The following KLF12 variants were observed in gnomAD, a reference collection of about 807,000 sequenced individuals.
The protein encoded by KLF12 is Krueppel-like factor 12.
Under a neutral mutation model 37.8 loss-of-function variants are expected in KLF12, and 9 were observed. The observed-to-expected ratio is 0.24, with a 90% CI of 0.14 to 0.42. KLF12 has a LOEUF of 0.42. Ranked by LOEUF, KLF12 falls within the 10% of genes least tolerant of loss-of-function variation. KLF12 has a pLI of 1.00. For synonymous variants in KLF12, 208 were observed against 202.1 expected (o/e 1.03, Z -0.25); for missense variants, 411 against 516.0 (o/e 0.80, Z 1.97).
chr13:74,079,353 C>T (rs930312548), intron 1 of KLF12, among the ~76,000 whole-genome samples: 2 of 152,152 alleles, frequency 1.3e-5, no homozygotes, highest in South Asian at 2.1e-4. Flanking sequence ...GTGAATTGTA[C>T]GCTGGAAAAT....
intron 4 of KLF12, among the ~76,000 whole-genome samples, chr13:73,825,258 C>T (rs2138533640): frequency 6.6e-6 from 1 of 152,232 alleles, no homozygotes; most frequent in Admixed American, 6.5e-5. Context: ...ATGGCCACTG[C>T]ATTGGAGTTT....
chr13:74,282,692 C>A, the KLF12 span, among the ~76,000 whole-genome samples: 325 of 152,168 alleles, frequency 2.1e-3, 3 homozygotes, highest in Middle Eastern at 6.8e-3. Context: ...GAAGAAAGAG[C>A]AAACCAAGGA....
At chr13:73,726,890 T>C (rs931346236) in intron 6 of KLF12, among the ~76,000 whole-genome samples, 1 of 152,222 alleles carries the variant, frequency 6.6e-6, no homozygotes, top group African/African-American at 2.4e-5. Context: ...GGTTGTACCA[T>C]TTTATAATTT....
At chr13:73,809,171 G>C (rs1882799040) in intron 5 of KLF12, among the ~76,000 whole-genome samples, 1 of 152,092 alleles carries the variant, frequency 6.6e-6, no homozygotes. Context: ...TCTTAGAAAA[G>C]TTCTTCAAGT....
At chr13:73,696,067 AC>A (rs1286059955) in intron 7 of KLF12, among the ~76,000 whole-genome samples, 4 of 150,354 alleles carry the variant, frequency 2.7e-5, no homozygotes, top group South Asian at 2.1e-4. Context: ...TTGTTTCAAC[AC>A]CCCCCCACGC....
chr13:73,884,148 A>T (rs1887109644), intron 3 of KLF12, among the ~76,000 whole-genome samples: 1 of 152,208 alleles, frequency 6.6e-6, no homozygotes, highest in South Asian at 2.1e-4. Context: ...ACTCTTTCTC[A>T]TCTGGAAGGA....
intron 3 of KLF12, among the ~76,000 whole-genome samples, chr13:73,912,721 G>A (rs1232059461): frequency 2.0e-5 from 3 of 152,132 alleles, no homozygotes; most frequent in Admixed American, 1.3e-4. Context: ...CACGTTTGTG[G>A]TCATTTGTTA....
the KLF12 span, among the ~76,000 whole-genome samples, chr13:74,301,501 T>A: frequency 2.0e-5 from 3 of 152,198 alleles, no homozygotes; most frequent in African/African-American, 7.2e-5. Context: ...CAGGCCTCTA[T>A]ATTTTCTTCG....
At chr13:74,184,397 T>C in the KLF12 span, among the ~76,000 whole-genome samples, 1 of 152,126 alleles carries the variant, frequency 6.6e-6, no homozygotes, top group Non-Finnish European at 1.5e-5. Flanking sequence ...CAACTCAATA[T>C]AGTAAACCAG....
chr13:73,757,490 T>C (rs1423160236), intron 6 of KLF12, among the ~76,000 whole-genome samples: 3 of 152,148 alleles, frequency 2.0e-5, no homozygotes, highest in African/African-American at 4.8e-5. Context: ...GATCTGGTGG[T>C]CAACTGAGAA....
chr13:74,260,318 G>C, the KLF12 span, among the ~76,000 whole-genome samples: 1 of 152,046 alleles, frequency 6.6e-6, no homozygotes, highest in South Asian at 2.1e-4. Flanking sequence ...TACTTTGGGA[G>C]GCTGAGGCAG....
At chr13:74,107,977 A>T (rs1182284877) in intron 1 of KLF12, among the ~76,000 whole-genome samples, 3 of 152,218 alleles carry the variant, frequency 2.0e-5, no homozygotes, top group Non-Finnish European at 1.5e-5. Flanking sequence ...TATACTGTAC[A>T]TATGGTCCTT....
At chr13:74,036,704 C>A (rs1893254922) in intron 1 of KLF12, among the ~76,000 whole-genome samples, 1 of 152,152 alleles carries the variant, frequency 6.6e-6, no homozygotes, top group Non-Finnish European at 1.5e-5. Context: ...AAGAAGTCAG[C>A]AGAAGATGGT....
At chr13:73,707,067 G>C (rs1395666287) in intron 7 of KLF12, among the ~76,000 whole-genome samples, 2 of 152,114 alleles carry the variant, frequency 1.3e-5, no homozygotes, top group African/African-American at 4.8e-5. Context: ...GGTACTGCTG[G>C]GTAGACATGC....
intron 1 of KLF12, among the ~76,000 whole-genome samples, chr13:74,076,220 T>C (rs1045412875): frequency 6.6e-6 from 1 of 152,264 alleles, no homozygotes; most frequent in Non-Finnish European, 1.5e-5. Context: ...CTTTCTTCAC[T>C]ATATTTAAAA....
the KLF12 span, among the ~76,000 whole-genome samples, chr13:74,198,218 A>G: frequency 2.6e-5 from 4 of 152,150 alleles, no homozygotes; most frequent in Non-Finnish European, 4.4e-5. Flanking sequence ...AGGCGGGGAA[A>G]GAAGTGTCTC....
chr13:73,765,068 G>C (rs1594064861), intron 5 of KLF12, 68 bp from the exon 6 acceptor site: 2 of 911,292 alleles, frequency 2.2e-6, no homozygotes, highest in Non-Finnish European at 3.4e-6. Flanking sequence ...TAAAAAAATG[G>C]CATGTTTTAT....
the KLF12 span, among the ~76,000 whole-genome samples, chr13:74,143,253 C>T: frequency 4.6e-5 from 7 of 151,892 alleles, no homozygotes; most frequent in Admixed American, 2.0e-4. Flanking sequence ...ATAATTTATC[C>T]ATGAAGCATG....
At chr13:73,948,763 T>C (rs1890536370) in intron 2 of KLF12, among the ~76,000 whole-genome samples, 1 of 152,220 alleles carries the variant, frequency 6.6e-6, no homozygotes, top group Non-Finnish European at 1.5e-5. Context: ...GGTTAACAAC[T>C]AATTGCAAAA....
Sources: gnomAD v4.1 joint callset for allele counts (sites outside exome capture counted in the v4.1 genomes callset) on GRCh38, gnomAD v4.1.1 for gene constraint, MANE v1.5 for transcripts, NCBI Gene and HGNC (gene_info 2026-07-23, HGNC 2026-07-21) for gene names.